The following NELL1 variants were observed in gnomAD, a reference collection of about 807,000 sequenced individuals.
The protein encoded by NELL1 is neural EGFL like 1.
In NELL1, 76 loss-of-function variants were observed where a neutral mutation model predicts 107.4. That is an observed-to-expected ratio of 0.71 (90% confidence interval 0.59 to 0.86). NELL1 has a LOEUF of 0.86. Ranked by LOEUF, NELL1 falls within the 40% of genes least tolerant of loss-of-function variation. The pLI, the probability that NELL1 is intolerant of heterozygous loss-of-function variation, is 0.00. For synonymous variants in NELL1, 353 were observed against 341.2 expected, an observed-to-expected ratio of 1.03 and a Z score of -0.38; for missense variants, 1,024 against 1,005.5, an observed-to-expected ratio of 1.02 and a Z score of -0.25.
chr11:21,167,770 T>C (rs1856518047), intron 13 of NELL1, among the ~76,000 whole-genome samples: 1 of 151,790 alleles, frequency 6.6e-6, no homozygotes, highest in South Asian at 2.1e-4. Context: ...GCACAAGCTA[T>C]TCCCTCTGCT....
chr11:20,734,233 G>T (rs1421421207), intron 2 of NELL1, among the ~76,000 whole-genome samples: 3 of 152,162 alleles, frequency 2.0e-5, no homozygotes, highest in Non-Finnish European at 4.4e-5. Context: ...TGTCAGAGAG[G>T]TAAGCAGGAG....
rs538082257 is a variant in NELL1 at position 20,870,415 on chromosome 11, A to T, written c.507-15029A>T. Among the ~76,000 whole-genome samples, 13 of 150,442 alleles carry T rather than the reference A, an allele frequency of 8.6e-5. No individual in the cohort carries two copies. The East Asian group carries it at 2.4e-3, about 28-fold the overall frequency. On this transcript the variant is annotated intron_variant, in intron 4 of 19. Transcript: ENST00000357134. The stretch of plus-strand genomic sequence containing the variant: ...AAGGAGTCGCCTGTGTGTCCTTAAT[A>T]ATAGGCTTATTTGAGACATCTCTGG...
At chr11:21,382,101 T>A (rs1456392505) in intron 15 of NELL1, among the ~76,000 whole-genome samples, 1 of 151,796 alleles carries the variant, frequency 6.6e-6, no homozygotes, top group East Asian at 1.9e-4. Context: ...TCTTCGTTGA[T>A]TCCTCAAATT....
At chr11:21,185,607 T>C (rs935032252) in intron 13 of NELL1, among the ~76,000 whole-genome samples, 1 of 151,784 alleles carries the variant, frequency 6.6e-6, no homozygotes, top group Non-Finnish European at 1.5e-5. Context: ...ATCGTTTTTT[T>C]ACTACTTACC....
At chr11:21,184,066 C>T (rs1395266871) in intron 13 of NELL1, among the ~76,000 whole-genome samples, 1 of 151,770 alleles carries the variant, frequency 6.6e-6, no homozygotes. Context: ...AAACCAGGAA[C>T]GTGTGACTGG....
At chr11:20,938,158 G>C (rs2134185989) in intron 10 of NELL1, among the ~76,000 whole-genome samples, 1 of 152,164 alleles carries the variant, frequency 6.6e-6, no homozygotes, top group East Asian at 1.9e-4. Flanking sequence ...CCTGCGAAAG[G>C]GTTTTGAGTT....
intron 4 of NELL1, among the ~76,000 whole-genome samples, chr11:20,881,089 G>T (rs78294856): frequency 0.04 from 6,101 of 152,188 alleles, 393 homozygotes; most frequent in African/African-American, 0.14. Flanking sequence ...GACCAGTCTT[G>T]CCTTCAAGCT....
At chr11:21,512,015 A>T (rs1855449377) in intron 15 of NELL1, among the ~76,000 whole-genome samples, 1 of 152,148 alleles carries the variant, frequency 6.6e-6, no homozygotes, top group South Asian at 2.1e-4. Context: ...GATCCACCCC[A>T]TTCTTGCTGC....
intron 12 of NELL1, among the ~76,000 whole-genome samples, chr11:21,105,597 C>T (rs1053071594): frequency 1.3e-5 from 2 of 152,110 alleles, no homozygotes; most frequent in South Asian, 2.1e-4. Flanking sequence ...AGCATTTGCC[C>T]GTGCAAGCTT....
At chr11:21,332,458 G>GA (rs897996949) in intron 14 of NELL1, among the ~76,000 whole-genome samples, 1 of 151,862 alleles carries the variant, frequency 6.6e-6, no homozygotes, top group Non-Finnish European at 1.5e-5. Context: ...CAATCTTGGG[G>GA]ATCCCTTTAT....
intron 14 of NELL1, among the ~76,000 whole-genome samples, chr11:21,365,208 G>A (rs1851191948): frequency 1.3e-5 from 2 of 152,076 alleles, no homozygotes; most frequent in Non-Finnish European, 2.9e-5. Context: ...ATTCCACTAT[G>A]AGATTCTTGG....
At chr11:21,364,263 T>C (rs534053146) in intron 14 of NELL1, among the ~76,000 whole-genome samples, 2 of 151,304 alleles carry the variant, frequency 1.3e-5, no homozygotes, top group African/African-American at 2.4e-5. Context: ...ACAAAAAAAT[T>C]AGCTGGGCGT....
At chr11:20,746,893 C>G (rs1856016281) in intron 2 of NELL1, among the ~76,000 whole-genome samples, 2 of 152,138 alleles carry the variant, frequency 1.3e-5, no homozygotes, top group South Asian at 2.1e-4. Context: ...ACTTTTGTGC[C>G]ATTCCCATGG....
At chr11:21,289,356 G>A (rs964340892) in intron 14 of NELL1, among the ~76,000 whole-genome samples, 11 of 152,174 alleles carry the variant, frequency 7.2e-5, no homozygotes, top group Non-Finnish European at 1.3e-4. Context: ...TGCAGCCCAC[G>A]GAGGGTGAGC....
At chr11:21,558,288 C>CT (rs1856768785) in intron 16 of NELL1, among the ~76,000 whole-genome samples, 1 of 151,084 alleles carries the variant, frequency 6.6e-6, no homozygotes, top group African/African-American at 2.4e-5. Flanking sequence ...TCTCCCGTTG[C>CT]TTTTTAAAAA....
chr11:21,447,951 T>C (rs1445723847), intron 15 of NELL1, among the ~76,000 whole-genome samples: 1 of 152,170 alleles, frequency 6.6e-6, no homozygotes, highest in Non-Finnish European at 1.5e-5. Context: ...ATCTAAATGC[T>C]CTTTCCATGG....
At chr11:20,713,232 T>A (rs1325871771) in intron 2 of NELL1, among the ~76,000 whole-genome samples, 2 of 151,724 alleles carry the variant, frequency 1.3e-5, no homozygotes, top group Admixed American at 1.3e-4. Context: ...AGCTCCGGAG[T>A]GTCTGTCTTT....
intron 12 of NELL1, among the ~76,000 whole-genome samples, chr11:20,977,258 A>C (rs1372062578): frequency 6.7e-6 from 1 of 149,878 alleles, no homozygotes; most frequent in Admixed American, 6.6e-5. Flanking sequence ...CAGGCAAATT[A>C]AATCTATTTT....
At chr11:21,442,812 T>G (rs562819678) in intron 15 of NELL1, among the ~76,000 whole-genome samples, 2 of 152,078 alleles carry the variant, frequency 1.3e-5, no homozygotes, top group Admixed American at 6.5e-5. Flanking sequence ...TTTACCTAAG[T>G]GAGGGGCAAG....
Sources: allele counts gnomAD v4.1 joint callset (sites outside exome capture counted in the v4.1 genomes callset), GRCh38; gene constraint gnomAD v4.1.1; transcripts MANE v1.5; gene names NCBI Gene and HGNC (gene_info 2026-07-23, HGNC 2026-07-21).